ABCB1: variants seen among roughly 807,000 people sequenced by gnomAD.
ABCB1 encodes ATP-dependent translocase ABCB1.
In ABCB1, 69 loss-of-function variants were observed where a neutral mutation model predicts 142.0. The observed-to-expected ratio is 0.49, with a 90% CI of 0.40 to 0.59. The LOEUF is 0.59. Among genes scored for constraint, ABCB1 ranks in the 20% least tolerant of loss-of-function variants. ABCB1 has a pLI of 0.00. For missense variants in ABCB1, 1,326 were observed against 1,554.7 expected, an observed-to-expected ratio of 0.85 and a Z score of 2.47; for synonymous variants, 532 against 539.2, an observed-to-expected ratio of 0.99 and a Z score of 0.18.
rs1814608334 is a variant in ABCB1 at position 87,504,109 on chromosome 7, A to G, written c.*134T>C. The G allele has an allele frequency of 8.7e-6, 10 of 1,155,996 alleles. No individual in the cohort carries two copies. The highest frequency in any genetic ancestry group is 1.3e-5 in the Non-Finnish European group (10 of 799,652). The allele number at this position is 1,155,996 out of a possible 1,614,324, so 71.6% of individuals were successfully genotyped here. ...GTTCCTTTAATTACGAAGTCTCTGA[A>G]GACTCTGAACTTGACTGAGGAAATG... On this transcript the variant is annotated 3_prime_UTR_variant, in exon 28 of 28. Coordinates refer to ENST00000622132, the MANE Select transcript of ABCB1 (RefSeq NM_001348946.2).
chr7:87,660,488 T>C (rs566285995), intron 1 of ABCB1, among the ~76,000 whole-genome samples: 9 of 152,230 alleles, frequency 5.9e-5, no homozygotes, highest in African/African-American at 2.2e-4. Context: ...AGATATAAAG[T>C]CTAAAACGTT....
intron 1 of ABCB1, among the ~76,000 whole-genome samples, chr7:87,676,862 T>C (rs191329681): frequency 9.2e-5 from 14 of 152,118 alleles, no homozygotes; most frequent in Admixed American, 9.2e-4. Context: ...CCAACTGATA[T>C]ATGAAAAGAC....
chr7:87,549,562 T>A (rs758297101), intron 13 of ABCB1, 44 bp from the exon 14 acceptor site: 1 of 1,613,716 alleles, frequency 6.2e-7, no homozygotes, highest in Non-Finnish European at 8.5e-7. Flanking sequence ...GGACAAGCTA[T>A]CTCAGCTCAT....
At chr7:87,565,927 T>G (rs1450957076) in intron 7 of ABCB1, 143 bp downstream of exon 7, 2 of 913,886 alleles carry the variant, frequency 2.2e-6, no homozygotes, top group Non-Finnish European at 3.5e-6. Context: ...CTGGATATGC[T>G]TATCCAGCTG....
At chr7:87,649,444 G>A (rs10267099) in intron 1 of ABCB1, among the ~76,000 whole-genome samples, 122,836 of 152,082 alleles carry the variant, frequency 0.81, 49,879 homozygotes, top group East Asian at 0.99. Flanking sequence ...AACACAAATG[G>A]TAGCAGTAAG....
chr7:87,651,029 T>G, intron 1 of ABCB1: 2 of 700,150 alleles, frequency 2.9e-6, no homozygotes, highest in Non-Finnish European at 4.9e-6. Context: ...GTGACTTAGA[T>G]AGCCAACATT....
At chr7:87,521,592 C>A in intron 21 of ABCB1, 2 of 758,342 alleles carry the variant, frequency 2.6e-6, no homozygotes, top group Non-Finnish European at 2.4e-6. Flanking sequence ...TCATGGATTG[C>A]GTGGTAATGA....
At chr7:87,702,113 A>C (rs1263496347) in intron 1 of ABCB1, among the ~76,000 whole-genome samples, 1 of 126,504 alleles carries the variant, frequency 7.9e-6, no homozygotes, top group Non-Finnish European at 1.6e-5. Flanking sequence ...ACTGCACTCC[A>C]GCCTGGGCAA....
intron 1 of ABCB1, among the ~76,000 whole-genome samples, chr7:87,610,311 C>T (rs1819805270): frequency 7.1e-6 from 1 of 140,132 alleles, no homozygotes; most frequent in African/African-American, 2.7e-5. Flanking sequence ...AGTCATTGCT[C>T]TCTGCAGCCT....
chr7:87,668,942 G>A (rs1429204548), intron 1 of ABCB1, among the ~76,000 whole-genome samples: 2 of 152,108 alleles, frequency 1.3e-5, no homozygotes, highest in Admixed American at 1.3e-4. Context: ...GGAGAAGAAT[G>A]TATATTCTGG....
chr7:87,597,767 C>G (rs906269348), intron 2 of ABCB1, among the ~76,000 whole-genome samples: 1 of 152,120 alleles, frequency 6.6e-6, no homozygotes, highest in African/African-American at 2.4e-5. Context: ...GTTCTCCTAC[C>G]ATTATCACAT....
chr7:87,652,546 A>G (rs536012298), intron 1 of ABCB1, among the ~76,000 whole-genome samples: 4 of 151,420 alleles, frequency 2.6e-5, no homozygotes, highest in Non-Finnish European at 5.9e-5. Flanking sequence ...AAGCTGATAC[A>G]GTACGAATTG....
At chr7:87,568,156 G>A (rs1817860929) in intron 5 of ABCB1, among the ~76,000 whole-genome samples, 1 of 150,580 alleles carries the variant, frequency 6.6e-6, no homozygotes, top group Non-Finnish European at 1.5e-5. Flanking sequence ...AGCACTTCGG[G>A]AGGCCAAGGT....
At chr7:87,584,953 C>CG (rs1818669756) in intron 4 of ABCB1, among the ~76,000 whole-genome samples, 1 of 150,780 alleles carries the variant, frequency 6.6e-6, no homozygotes, top group Non-Finnish European at 1.5e-5. Context: ...CCTAAAATAC[C>CG]CCCCCACACA....
chr7:87,525,706 A>G (rs907298313), intron 21 of ABCB1, among the ~76,000 whole-genome samples: 1 of 152,144 alleles, frequency 6.6e-6, no homozygotes, highest in African/African-American at 2.4e-5. Flanking sequence ...GGCTAAGGAA[A>G]AGGAGGAAGA....
chr7:87,603,972 C>T (rs187479303), upstream of ABCB1, among the ~76,000 whole-genome samples: 17 of 152,068 alleles, frequency 1.1e-4, no homozygotes, highest in Admixed American at 1.1e-3. Context: ...GTAATAATGC[C>T]CTCTTCTCAA....
In ABCB1 at chr7:87,583,710, AGTT is replaced by A. The variant is rs567956755; in HGVS notation, c.286+1799_286+1801del. On this transcript the variant is annotated intron_variant, in intron 4 of 27. Transcript: ENST00000622132. ...GCTCATGCATGCTATTAAGTAAGTG[AGTT>A]TACTGTGTGTCTTAGTCCATTTGGG... 3.6e-3 allele frequency among the ~76,000 whole-genome samples: 552 copies of A among 152,314 alleles called. 8 individuals carry two copies. The East Asian group carries it at 0.053, about 15-fold the overall frequency.
chr7:87,678,666 AAAAG>A (rs1826620093), intron 1 of ABCB1, among the ~76,000 whole-genome samples: 1 of 152,200 alleles, frequency 6.6e-6, no homozygotes, highest in Admixed American at 6.5e-5. Flanking sequence ...ACTGGGTAAA[AAAAG>A]GACTCAATAT....
At chr7:87,626,899 C>T (rs1290545925) in intron 1 of ABCB1, among the ~76,000 whole-genome samples, 1 of 151,978 alleles carries the variant, frequency 6.6e-6, no homozygotes, top group Non-Finnish European at 1.5e-5. Flanking sequence ...CCTCAGCCTA[C>T]CGAGTAGCTG....
Sources: gnomAD v4.1 joint callset for allele counts (sites outside exome capture counted in the v4.1 genomes callset) on GRCh38, gnomAD v4.1.1 for gene constraint, MANE v1.5 for transcripts, NCBI Gene and HGNC (gene_info 2026-07-23, HGNC 2026-07-21) for gene names.